Variants in ADCY7 observed in about 807,000 individuals in gnomAD.
ADCY7 encodes adenylate cyclase 7.
ADCY7 carries 72 observed loss-of-function variants against 120.6 expected under a neutral mutation model. That is an observed-to-expected ratio of 0.60 (90% CI 0.49 to 0.73). The LOEUF is 0.73. Ranked by LOEUF, ADCY7 falls within the 30% of genes least tolerant of loss-of-function variation. ADCY7 has a pLI of 0.00. For missense variants in ADCY7, 1,227 were observed against 1,486.0 expected (o/e 0.83, Z 2.87); for synonymous variants, 661 against 628.0 (o/e 1.05, Z -0.78).
At chr16:50,293,289 C>T in intron 5 of ADCY7, 65 bp from the exon 6 acceptor site, 3 of 1,568,786 alleles carry the variant, frequency 1.9e-6, no homozygotes, top group South Asian at 1.1e-5. Context: ...CCCTGCCTGT[C>T]CCCCGCTGGT....
rs1054330460 is a variant in ADCY7 at position 50,305,367 on chromosome 16, C to T, written c.1596-136C>T. 5.0e-6 allele frequency: 4 copies of T among 797,280 alleles called. No individual in the cohort carries two copies. In the East Asian group the frequency reaches 7.4e-5, roughly 15 times the overall value. The allele number at this position is 797,280 out of a possible 1,614,324, so 49.4% of individuals were successfully genotyped here. A position where few individuals can be genotyped will look rare whatever the true frequency, so the allele number is the denominator to read the frequency against. ...TGGGTCCTCACTCGCCCTCTCTGGG[C>T]CTCAGTGGGACCCACCCATTCCTTC... is the stretch of plus-strand genomic sequence containing the variant. On this transcript the variant is annotated intron_variant, in intron 12 of 25. Coordinates refer to ENST00000673801, the MANE Select transcript of ADCY7 (RefSeq NM_001114.5).
At position 50,310,717 on chromosome 16, in the gene ADCY7, A is replaced by C. The variant is rs964468412; in HGVS notation, c.2191A>C (p.Ile731Leu). ...CACCTGCAGCTGTGTCCTGGGCTTCATCGCCTGCTCGGTCTTCCTGAGGAT... is the reference window on the plus strand; with the variant it reads ...CACCTGCAGCTGTGTCCTGGGCTTCCTCGCCTGCTCGGTCTTCCTGAGGAT... ...YYTCSCVLGF[I>L]ACSVFLRMSL... The change falls in exon 19 of 26, where the codon ATC becomes CTC. Residue 731 changes from isoleucine to leucine, a missense_variant. By Grantham distance (5) the Ile-to-Leu change is conservative. This residue lies in a region of ADCY7 where 267 missense variants were observed against 270.0 expected (regional missense o/e 0.99). Transcript: ENST00000673801. The C allele has an allele frequency of 6.8e-6, 11 of 1,613,972 alleles. No individual in the cohort carries two copies. The highest frequency in any genetic ancestry group is 8.5e-7 in the Non-Finnish European group (1 of 1,179,994).
At chr16:50,267,596 G>T (rs1461457201) in intron 1 of ADCY7, among the ~76,000 whole-genome samples, 1 of 152,226 alleles carries the variant, frequency 6.6e-6, no homozygotes, top group East Asian at 1.9e-4. Flanking sequence ...GATGGAGGCT[G>T]TGAGGGGTGG....
intron 1 of ADCY7, among the ~76,000 whole-genome samples, chr16:50,284,609 T>A (rs2150924516): frequency 6.6e-6 from 1 of 152,368 alleles, no homozygotes; most frequent in East Asian, 1.9e-4. Flanking sequence ...AGCCTGGCTG[T>A]CCTGGTGCAC....
intron 4 of ADCY7, 50 bp from the exon 5 acceptor site, chr16:50,292,626 G>T: frequency 1.3e-6 from 2 of 1,598,652 alleles, no homozygotes; most frequent in Non-Finnish European, 1.7e-6. Context: ...GGTGCCTCGG[G>T]AGGGCATGGG....
upstream of ADCY7, among the ~76,000 whole-genome samples, chr16:50,266,322 T>G (rs2033209108): frequency 6.6e-6 from 1 of 152,216 alleles, no homozygotes; most frequent in South Asian, 2.1e-4. Flanking sequence ...TTTATTATTA[T>G]TTTTTCAAAA....
chr16:50,298,864 C>T, intron 7 of ADCY7, 40 bp from the exon 8 acceptor site: 1 of 1,595,988 alleles, frequency 6.3e-7, no homozygotes, highest in Non-Finnish European at 8.6e-7. Flanking sequence ...GGTCCCAGCC[C>T]CACATCTTCC....
At chr16:50,314,165 C>T (rs1007426564) in intron 23 of ADCY7, 103 bp downstream of exon 23, 26 of 1,411,362 alleles carry the variant, frequency 1.8e-5, no homozygotes, top group Non-Finnish European at 2.4e-5. Flanking sequence ...GGGGGAGGGG[C>T]ACAGGTACTT....
intron 1 of ADCY7, among the ~76,000 whole-genome samples, chr16:50,278,068 G>T (rs1265016757): frequency 6.6e-6 from 1 of 151,256 alleles, no homozygotes; most frequent in African/African-American, 2.4e-5. Flanking sequence ...TTGAGACAGA[G>T]CTTCACTCTG....
chr16:50,250,634 T>TAAA lies in ADCY7; in HGVS notation c.-64+4431_-64+4432insAAA, dbSNP rs397731179. Among the ~76,000 whole-genome samples the TAAA allele has an allele frequency of 7.9e-5, 12 of 151,130 alleles. No homozygotes were observed. The South Asian group carries it at 2.5e-3, about 32-fold the overall frequency. On this transcript the variant is annotated intron_variant, in intron 1 of 4. Transcript: ENST00000564044. ...TAAAAATAAACAATTTTAAAACAAA[T>TAAA]TTTAAAAATGCAGTATGTGAGCATA...
At chr16:50,289,625 C>A (rs944849411) in intron 2 of ADCY7, among the ~76,000 whole-genome samples, 2 of 152,210 alleles carry the variant, frequency 1.3e-5, no homozygotes, top group Non-Finnish European at 2.9e-5. Context: ...GCCACCACGC[C>A]TGGCTAATTT....
chr16:50,292,796 C>T lies in ADCY7; in HGVS notation c.658C>T (p.Arg220Trp), dbSNP rs144663305. ...TYTVKCIQIR[R>W]KLRIEKRQQE... is the part of the protein sequence containing the mutation. ...CACTGTGAAGTGCATCCAGATCCGC[C>T]GGAAGCTGCGCATCGAGAAGCGCCA... The change falls in exon 5 of 26, where the codon CGG (arginine) becomes TGG (tryptophan). Residue 220 changes from arginine (R) to tryptophan (W), a missense_variant. Physicochemically the swap from Arg to Trp is moderately radical, Grantham distance 101. This residue lies in a region of ADCY7 where 382 missense variants were observed against 411.4 expected (regional missense o/e 0.93). Coordinates refer to ENST00000673801, the MANE Select transcript of ADCY7 (RefSeq NM_001114.5). The T allele has an allele frequency of 5.8e-5, 94 of 1,613,764 alleles. No individual in the cohort carries two copies. The highest frequency in any genetic ancestry group is 7.0e-5 in the Non-Finnish European group (83 of 1,179,980).
chr16:50,298,771 T>G (rs1596939605), intron 7 of ADCY7, 133 bp from the exon 8 acceptor site: 1 of 1,300,454 alleles, frequency 7.7e-7, no homozygotes, highest in Non-Finnish European at 1.0e-6. Context: ...TGGCTCCTGG[T>G]GACTGGACCC....
At chr16:50,251,730 C>T (rs1257361346) in intron 1 of ADCY7, among the ~76,000 whole-genome samples, 1 of 152,196 alleles carries the variant, frequency 6.6e-6, no homozygotes, top group Non-Finnish European at 1.5e-5. Flanking sequence ...TCCAGTGTGC[C>T]CCAGTCCCCA....
rs143055910 is a variant in ADCY7, at chr16:50,311,494, C to T, written c.2355-199C>T. Among the ~76,000 whole-genome samples, 954 of 152,266 alleles carry T rather than the reference C, an allele frequency of 6.3e-3. 13 individuals are homozygous for T. Among genetic ancestry groups the T allele is most frequent in the African/African-American group, 0.022 (904 of 41,546 alleles). On this transcript the variant is annotated intron_variant, in intron 19 of 25. Transcript: ENST00000673801. The stretch of plus-strand genomic sequence containing the variant: ...ATTCAGGGGTGAGATCAGAGGTCTT[C>T]CCCACAAGGGCTCCCCCATCTCCCT...
rs367883473 is a variant in ADCY7 at position 50,288,209 on chromosome 16, C to A, written c.30C>A (p.Asn10Lys). The A allele has an allele frequency of 3.9e-5, 61 of 1,550,882 alleles. No individual in the cohort carries two copies. The highest frequency in any genetic ancestry group is 5.3e-5 in the Non-Finnish European group (61 of 1,146,774). ...CAGCCAAGGGGCGCTACTTCCTCAA[C>A]GAGGGCGAGGAGGGCCCTGACCAAG... The part of the protein sequence containing the change: MPAKGRYFL[N>K]EGEEGPDQDA... Residue 10 changes from asparagine to lysine, a missense_variant, in exon 2 of 26, where the codon AAC (asparagine) becomes AAA (lysine). Physicochemically the swap from Asn to Lys is moderately conservative, Grantham distance 94 (BLOSUM62 0). This residue lies in a region of ADCY7 where 382 missense variants were observed against 411.4 expected (regional missense o/e 0.93). Coordinates refer to ENST00000673801, the MANE Select transcript of ADCY7 (RefSeq NM_001114.5).
At chr16:50,273,013 A>C (rs1240899619) in intron 1 of ADCY7, among the ~76,000 whole-genome samples, 1 of 152,198 alleles carries the variant, frequency 6.6e-6, no homozygotes, top group Non-Finnish European at 1.5e-5. Context: ...GCATGGGTAC[A>C]AGAGCAGAGC....
At chr16:50,299,197 C>T (rs1326592568) in intron 8 of ADCY7, among the ~76,000 whole-genome samples, 166 bp downstream of exon 8, 1 of 152,230 alleles carries the variant, frequency 6.6e-6, no homozygotes, top group African/African-American at 2.4e-5. Flanking sequence ...AGGATTCAGA[C>T]TTCATCTGTT....
intron 1 of ADCY7, among the ~76,000 whole-genome samples, chr16:50,276,959 T>C (rs75745733): frequency 1.3e-5 from 2 of 152,048 alleles, no homozygotes; most frequent in Non-Finnish European, 2.9e-5. Context: ...TTTTTTTTTT[T>C]AGTCACATAA....
Sources: gnomAD v4.1 joint callset for allele counts (sites outside exome capture counted in the v4.1 genomes callset) on GRCh38, gnomAD v4.1.1 for gene constraint, gnomAD v4.1.1 regional missense constraint, MANE v1.5 for transcripts, NCBI Gene and HGNC (gene_info 2026-07-23, HGNC 2026-07-21) for gene names.